GRM3: variants seen among roughly 807,000 people sequenced by gnomAD.
The protein encoded by GRM3 is metabotropic glutamate receptor 3.
Under a neutral mutation model 70.5 loss-of-function variants are expected in GRM3, and 26 were observed. That is an observed-to-expected ratio of 0.37 (90% CI 0.27 to 0.51). The LOEUF is 0.51. Ranked by LOEUF, GRM3 falls within the 20% of genes least tolerant of loss-of-function variation. The pLI, the probability that GRM3 is intolerant of heterozygous loss-of-function variation, is 0.93. For synonymous variants in GRM3, 443 were observed against 434.9 expected, an observed-to-expected ratio of 1.02 and a Z score of -0.23; for missense variants, 859 against 1,123.8, an observed-to-expected ratio of 0.76 and a Z score of 3.37.
intron 5 of GRM3, among the ~76,000 whole-genome samples, chr7:86,861,917 T>C (rs1298880632): frequency 6.6e-6 from 1 of 152,160 alleles, no homozygotes; most frequent in Non-Finnish European, 1.5e-5. Context: ...GCTCTTGCAA[T>C]GATCAGGAGA....
intron 1 of GRM3, among the ~76,000 whole-genome samples, chr7:86,693,262 C>T (rs1430211804): frequency 6.6e-6 from 1 of 152,112 alleles, no homozygotes; most frequent in Non-Finnish European, 1.5e-5. Flanking sequence ...ATAAGGAGAC[C>T]ATTTCTTCAG....
At chr7:86,729,763 G>A (rs926828615) in intron 1 of GRM3, among the ~76,000 whole-genome samples, 1 of 152,072 alleles carries the variant, frequency 6.6e-6, no homozygotes, top group Non-Finnish European at 1.5e-5. Context: ...TGATCATAAA[G>A]GATTAATTAC....
chr7:86,768,287 A>G (rs1473043237), intron 2 of GRM3, among the ~76,000 whole-genome samples: 1 of 152,196 alleles, frequency 6.6e-6, no homozygotes, highest in Non-Finnish European at 1.5e-5. Context: ...GTGGAAAGCC[A>G]TATCGAAAGC....
chr7:86,682,796 T>G (rs939436908), intron 1 of GRM3, among the ~76,000 whole-genome samples: 2 of 152,182 alleles, frequency 1.3e-5, no homozygotes, highest in Non-Finnish European at 2.9e-5. Flanking sequence ...GGTTCAGAGA[T>G]AGAAAGCAAG....
At chr7:86,851,560 G>C (rs1396402384) in intron 5 of GRM3, among the ~76,000 whole-genome samples, 1 of 152,076 alleles carries the variant, frequency 6.6e-6, no homozygotes, top group Non-Finnish European at 1.5e-5. Context: ...ATTTTGCCTC[G>C]AGTTGATCAG....
At chr7:86,696,628 T>C (rs1794823788) in intron 1 of GRM3, among the ~76,000 whole-genome samples, 1 of 152,204 alleles carries the variant, frequency 6.6e-6, no homozygotes, top group African/African-American at 2.4e-5. Flanking sequence ...CCTTCTATGC[T>C]GTTGATAGCT....
chr7:86,735,108 G>A (rs1369626234), intron 1 of GRM3, among the ~76,000 whole-genome samples: 3 of 152,158 alleles, frequency 2.0e-5, no homozygotes, highest in African/African-American at 7.2e-5. Context: ...TAATCCACAA[G>A]AGACCATGCC....
chr7:86,664,345 T>A (rs1036980075), intron 1 of GRM3, among the ~76,000 whole-genome samples: 3 of 151,896 alleles, frequency 2.0e-5, no homozygotes, highest in Admixed American at 6.6e-5. Flanking sequence ...CTTGGTGGTA[T>A]ATCGGTTAGG....
At chr7:86,685,908 A>G (rs1473436551) in intron 1 of GRM3, among the ~76,000 whole-genome samples, 1 of 145,202 alleles carries the variant, frequency 6.9e-6, no homozygotes, top group Non-Finnish European at 1.5e-5. Context: ...TCTGTCTCCA[A>G]AAAAAAAAAA....
chr7:86,730,928 A>C (rs1489328618), intron 1 of GRM3, among the ~76,000 whole-genome samples: 2 of 151,736 alleles, frequency 1.3e-5, no homozygotes, highest in South Asian at 2.1e-4. Context: ...GTCTTGACAA[A>C]CCTCCTTCTA....
At position 86,759,056 on chromosome 7, in the gene GRM3, C is replaced by T. The variant is rs1171668938; in HGVS notation, c.-140-5950C>T. 2.0e-5 allele frequency among the ~76,000 whole-genome samples: 3 copies of T among 152,076 alleles called. No homozygotes were observed. In the East Asian group the frequency reaches 5.8e-4, roughly 29 times the overall value. On this transcript the variant is annotated intron_variant, in intron 1 of 5. Coordinates refer to ENST00000361669, the MANE Select transcript of GRM3 (RefSeq NM_000840.3). ...GTGGGATTTCAAACAGCCTTAAACT[C>T]AGAAAATTTGAAGGAAAGCAGAACT...
chr7:86,803,469 T>C (rs1797725040), intron 3 of GRM3, among the ~76,000 whole-genome samples: 1 of 152,212 alleles, frequency 6.6e-6, no homozygotes, highest in South Asian at 2.1e-4. Context: ...AAAGTATACT[T>C]TGTTTTCTTT....
At chr7:86,834,036 A>G (rs1189799653) in intron 3 of GRM3, among the ~76,000 whole-genome samples, 2 of 152,202 alleles carry the variant, frequency 1.3e-5, no homozygotes, top group Non-Finnish European at 2.9e-5. Flanking sequence ...CAATATTTGT[A>G]GCAGCATTAT....
chr7:86,727,465 TA>T (rs1562840490), intron 1 of GRM3, among the ~76,000 whole-genome samples: 2 of 152,218 alleles, frequency 1.3e-5, no homozygotes. Context: ...CAGCCTATTA[TA>T]GCTGAGCATA....
At chr7:86,785,685 A>ATTTTTTTTTTTTTTTTTTGTTTTTTT (rs1797214315) in intron 2 of GRM3, among the ~76,000 whole-genome samples, 1 of 65,192 alleles carries the variant, frequency 1.5e-5, no homozygotes, top group African/African-American at 5.6e-5. Flanking sequence ...AATAGAATTG[A>ATTTTTTTTTTTTTTTTTTGTTTTTTT]TTTTTTTTTT....
intron 1 of GRM3, among the ~76,000 whole-genome samples, chr7:86,686,179 G>A (rs186481124): frequency 6.6e-5 from 10 of 152,160 alleles, no homozygotes; most frequent in Admixed American, 1.3e-4. Flanking sequence ...CAAATTAAGC[G>A]GCTATGATCC....
chr7:86,691,773 A>G (rs1460094160), intron 1 of GRM3, among the ~76,000 whole-genome samples: 1 of 152,172 alleles, frequency 6.6e-6, no homozygotes, highest in Non-Finnish European at 1.5e-5. Context: ...TCTGCCATGA[A>G]ATGACTTAGC....
At chr7:86,685,368 T>A (rs1173933676) in intron 1 of GRM3, among the ~76,000 whole-genome samples, 1 of 152,108 alleles carries the variant, frequency 6.6e-6, no homozygotes, top group Non-Finnish European at 1.5e-5. Context: ...ACAAAATAAG[T>A]CTATGTAGAC....
rs1793395860 is a variant in GRM3, at chr7:86,644,174, T to G, written c.-839T>G. The G allele has an allele frequency of 6.1e-6, 1 of 163,956 alleles. No individual in the cohort carries two copies. Among genetic ancestry groups the G allele is most frequent in the South Asian group, 1.6e-4 (1 of 6,400 alleles). The allele number at this position is 163,956 out of a possible 1,614,324, so 10.2% of individuals were successfully genotyped here. On this transcript the variant is annotated 5_prime_UTR_variant, in exon 1 of 6. It removes an upstream start codon present in the reference 5' UTR. Transcript: ENST00000361669. The stretch of plus-strand genomic sequence containing the variant: ...ACTCCGAAATTCACCGACCTTTGCA[T>G]GCACTGCCTAAGGATTTCAGAGTGA...
Sources: gnomAD v4.1 joint callset for allele counts (sites outside exome capture counted in the v4.1 genomes callset) on GRCh38, gnomAD v4.1.1 for gene constraint, MANE v1.5 for transcripts, NCBI Gene and HGNC (gene_info 2026-07-23, HGNC 2026-07-21) for gene names.